SRRM4: variants seen among roughly 807,000 people sequenced by gnomAD.
SRRM4 encodes serine/arginine repetitive matrix 4.
A neutral mutation model predicts 68.9 loss-of-function variants in SRRM4; 33 were observed. That is an observed-to-expected ratio of 0.48 (90% CI 0.36 to 0.64). The LOEUF (loss-of-function observed/expected upper bound fraction) is 0.64. Among genes scored for constraint, SRRM4 ranks in the 30% least tolerant of loss-of-function variants. The pLI is 0.00. For missense variants in SRRM4, 817 were observed against 827.1 expected, an observed-to-expected ratio of 0.99 and a Z score of 0.15; for synonymous variants, 318 against 318.8, an observed-to-expected ratio of 1.00 and a Z score of 0.03.
intron 1 of SRRM4, among the ~76,000 whole-genome samples, chr12:119,080,498 AAG>A (rs1205350043): frequency 7.9e-5 from 12 of 152,210 alleles, no homozygotes; most frequent in African/African-American, 2.9e-4. Context: ...AAGGTTATGA[AAG>A]AGAAACTCAC....
At chr12:119,019,651 C>T (rs1196427260) in intron 1 of SRRM4, among the ~76,000 whole-genome samples, 1 of 152,174 alleles carries the variant, frequency 6.6e-6, no homozygotes, top group East Asian at 1.9e-4. Context: ...ATAAGAACTC[C>T]CTTCTCTGCT....
intron 1 of SRRM4, among the ~76,000 whole-genome samples, chr12:119,049,152 C>T (rs1190329169): frequency 3.3e-5 from 5 of 152,232 alleles, no homozygotes; most frequent in South Asian, 2.1e-4. Flanking sequence ...AAAAATGACA[C>T]GTGGTAAGGG....
chr12:119,053,146 G>A (rs572442161), intron 1 of SRRM4, among the ~76,000 whole-genome samples: 1 of 152,216 alleles, frequency 6.6e-6, no homozygotes, highest in East Asian at 1.9e-4. Context: ...ACAAAAGAAG[G>A]AGCAGGTGTC....
chr12:118,996,948 C>G (rs1953353102), intron 1 of SRRM4, among the ~76,000 whole-genome samples: 1 of 152,168 alleles, frequency 6.6e-6, no homozygotes, highest in Non-Finnish European at 1.5e-5. Context: ...AGGTTCTGCA[C>G]AGAGATGAGG....
At chr12:119,137,203 G>GA (rs886714582) in intron 8 of SRRM4, among the ~76,000 whole-genome samples, 5 of 149,974 alleles carry the variant, frequency 3.3e-5, no homozygotes, top group South Asian at 4.2e-4. Flanking sequence ...TGGCAGGGAA[G>GA]AAAAAAAAAT....
intron 2 of SRRM4, among the ~76,000 whole-genome samples, chr12:119,104,445 TA>T: frequency 7.1e-6 from 1 of 141,312 alleles, no homozygotes; most frequent in African/African-American, 2.4e-5. Flanking sequence ...ACAGTGATAA[TA>T]AAAGTAATCA....
intron 1 of SRRM4, among the ~76,000 whole-genome samples, chr12:118,984,393 TC>T (rs927643229): frequency 6.6e-6 from 1 of 152,164 alleles, no homozygotes; most frequent in Non-Finnish European, 1.5e-5. Context: ...GGGGACTTGG[TC>T]TCATCAGAAA....
chr12:119,059,725 TCTC>T (rs1953799013), intron 1 of SRRM4, among the ~76,000 whole-genome samples: 1 of 152,184 alleles, frequency 6.6e-6, no homozygotes, highest in African/African-American at 2.4e-5. Flanking sequence ...AGTTGCATCT[TCTC>T]CATATCTCAT....
chr12:118,999,291 G>A (rs989044025), intron 1 of SRRM4, among the ~76,000 whole-genome samples: 1 of 152,170 alleles, frequency 6.6e-6, no homozygotes, highest in Non-Finnish European at 1.5e-5. Flanking sequence ...GGAGGCTGCA[G>A]GAGCCGGATC....
chr12:119,064,863 T>C (rs1953835854), intron 1 of SRRM4, among the ~76,000 whole-genome samples: 1 of 152,080 alleles, frequency 6.6e-6, no homozygotes, highest in Non-Finnish European at 1.5e-5. Flanking sequence ...TGGATGTGTA[T>C]TGTCAGGAAA....
chr12:119,097,156 T>C (rs2136039824), intron 1 of SRRM4, among the ~76,000 whole-genome samples: 1 of 152,230 alleles, frequency 6.6e-6, no homozygotes, highest in South Asian at 2.1e-4. Context: ...AGAAGGAAAA[T>C]GAGGCAACTG....
chr12:119,002,815 C>T (rs570909648), intron 1 of SRRM4, among the ~76,000 whole-genome samples: 24 of 152,182 alleles, frequency 1.6e-4, no homozygotes, highest in Admixed American at 6.5e-4. Context: ...GTGACTTTCA[C>T]TGGGCTCTGG....
At chr12:119,088,609 T>C (rs1953994024) in intron 1 of SRRM4, among the ~76,000 whole-genome samples, 1 of 148,688 alleles carries the variant, frequency 6.7e-6, no homozygotes, top group Non-Finnish European at 1.5e-5. Context: ...AGTGATGTCT[T>C]GGAGGGATTC....
chr12:119,070,579 G>A (rs909790972), intron 1 of SRRM4, among the ~76,000 whole-genome samples: 2 of 151,994 alleles, frequency 1.3e-5, no homozygotes, highest in African/African-American at 2.4e-5. Flanking sequence ...GGTTTTAGGC[G>A]ACCACCAAGT....
intron 8 of SRRM4, among the ~76,000 whole-genome samples, chr12:119,139,982 G>C (rs1954354691): frequency 6.6e-6 from 1 of 152,122 alleles, no homozygotes; most frequent in African/African-American, 2.4e-5. Context: ...GATCAAATCA[G>C]GGTAATTGTG....
chr12:119,137,601 AGAGAGAG>A (rs1395420390), intron 8 of SRRM4, among the ~76,000 whole-genome samples: 1 of 56,274 alleles, frequency 1.8e-5, no homozygotes, highest in Admixed American at 2.4e-4. Context: ...AGAGAGAGAG[AGAGAGAG>A]AGAGAGAGAG....
At chr12:119,102,035 G>A (rs1356022336) in intron 1 of SRRM4, among the ~76,000 whole-genome samples, 1 of 152,178 alleles carries the variant, frequency 6.6e-6, no homozygotes, top group Non-Finnish European at 1.5e-5. Flanking sequence ...GAGCTGGAAA[G>A]GTACACAGAT....
chr12:119,025,433 TTTTTTTG>T (rs953334925), intron 1 of SRRM4, among the ~76,000 whole-genome samples: 6 of 151,408 alleles, frequency 4.0e-5, no homozygotes, highest in African/African-American at 1.5e-4. Flanking sequence ...ATGGAGTTTT[TTTTTTTG>T]TTTGTTTGTT....
chr12:119,109,452 T>C (rs146727061), intron 2 of SRRM4, among the ~76,000 whole-genome samples: 11,612 of 152,186 alleles, frequency 0.076, 442 homozygotes, highest in Admixed American at 0.1. Context: ...CTTTCAGGTA[T>C]ACCAATCAGA....
Sources: allele counts gnomAD v4.1 joint callset (sites outside exome capture counted in the v4.1 genomes callset), GRCh38; gene constraint gnomAD v4.1.1; transcripts MANE v1.5; gene names NCBI Gene and HGNC (gene_info 2026-07-23, HGNC 2026-07-21).